The following SLC26A3 variants were observed in gnomAD, a reference collection of about 807,000 sequenced individuals.
SLC26A3 encodes solute carrier family 26 member 3, also known as chloride anion exchanger.
In SLC26A3, 64 loss-of-function variants were observed where a neutral mutation model predicts 85.6. The observed-to-expected ratio is 0.75, with a 90% CI of 0.61 to 0.92. The LOEUF (loss-of-function observed/expected upper bound fraction) is 0.92, where lower values mean the gene tolerates loss of function less well. SLC26A3 is among the 40% of genes least tolerant of loss of function. The probability of loss-of-function intolerance (pLI) is 0.00; values close to 1 mark genes in which losing one functional copy is unlikely to be tolerated. For synonymous variants in SLC26A3, 349 were observed against 336.0 expected (o/e 1.04, Z -0.42); for missense variants, 922 against 927.3 (o/e 0.99, Z 0.07).
chr7:107,779,761 G>A lies in SLC26A3; in HGVS notation c.1314C>T (p.Ser438=), dbSNP rs117703371. The A allele has an allele frequency of 5.9e-3, 9,539 of 1,613,214 alleles. 50 individuals are homozygous for A. Among genetic ancestry groups the A allele is most frequent in the Middle Eastern group, 0.028 (170 of 6,060 alleles). The change falls in exon 12 of 21, where the codon TCC becomes TCT. Residue 438 remains serine, a splice_region_variant and synonymous_variant. Transcript: ENST00000340010. ...IGFLLAPLQK[S]VLAALALGNL... is the part of the protein sequence containing the mutation. ...TTCCCAATGCTAAAGCTGCCAGGAC[G>A]GACTGTGAAAAACACAAACATCAGA...
chr7:107,794,736 C>T lies in SLC26A3; in HGVS notation c.-88-139G>A, dbSNP rs1339840713. 16 of 535,728 alleles carry T rather than the reference C, an allele frequency of 3.0e-5. 1 individual carries two copies. The highest frequency in any genetic ancestry group is 6.2e-5 in the Admixed American group (2 of 32,390). 33.2% of individuals were successfully genotyped at this position (535,728 alleles called of 1,614,324 possible). ...ATTAAGGGACCTAGATTGTGTTTTGCGACAGCGATGTTTTATTCCAGTGAG... is the reference window on the plus strand; with the variant it reads ...ATTAAGGGACCTAGATTGTGTTTTGTGACAGCGATGTTTTATTCCAGTGAG... On this transcript the variant is annotated intron_variant, in intron 1 of 20. Coordinates refer to ENST00000340010, the MANE Select transcript of SLC26A3 (RefSeq NM_000111.3).
chr7:107,795,283 T>C (rs943760673), intron 1 of SLC26A3, among the ~76,000 whole-genome samples: 1 of 152,206 alleles, frequency 6.6e-6, no homozygotes, highest in African/African-American at 2.4e-5. Context: ...TTGTGAAGAT[T>C]AAATAAGGTT....
intron 11 of SLC26A3, among the ~76,000 whole-genome samples, chr7:107,780,628 A>G (rs1478602193): frequency 3.3e-5 from 5 of 152,186 alleles, no homozygotes; most frequent in Non-Finnish European, 4.4e-5. Flanking sequence ...AAAGCCAAAT[A>G]CAGTTTTTAT....
In SLC26A3 at chr7:107,778,337, C is replaced by T. The variant is rs113986754; in HGVS notation, c.1408-56G>A. ...ATTTACTTTGATTAAAGTACAATGT[C>T]GAGACGGGGTCTTTTAAAAAGACTT... On this transcript the variant is annotated intron_variant, in intron 12 of 20. Coordinates refer to ENST00000340010, the MANE Select transcript of SLC26A3 (RefSeq NM_000111.3). The T allele has an allele frequency of 3.1e-3, 2,765 of 880,730 alleles. 54 individuals are homozygous for T. In the African/African-American group the frequency reaches 0.051, roughly 16 times the overall value. 54.6% of individuals were successfully genotyped at this position (880,730 alleles called of 1,614,324 possible).
chr7:107,776,757 T>C (rs1356691127), intron 13 of SLC26A3, 51 bp from the exon 14 acceptor site: 1 of 1,544,062 alleles, frequency 6.5e-7, no homozygotes, highest in Non-Finnish European at 8.9e-7. Context: ...TTGTTAAGCC[T>C]ATAAGGCTAA....
chr7:107,771,493 C>T (rs770652797), intron 18 of SLC26A3, among the ~76,000 whole-genome samples: 4 of 152,026 alleles, frequency 2.6e-5, no homozygotes, highest in Non-Finnish European at 2.9e-5. Flanking sequence ...GGAGAAGAAC[C>T]AATGTCAGAC....
intron 11 of SLC26A3, 82 bp from the exon 12 acceptor site, chr7:107,779,845 T>C (rs980080240): frequency 8.3e-7 from 1 of 1,199,950 alleles, no homozygotes; most frequent in African/African-American, 1.5e-5. Context: ...TATAGATAAG[T>C]GTGTGCTTTA....
In SLC26A3 at chr7:107,791,941, C is replaced by T. The variant is rs1794410671; in HGVS notation, c.272-1G>A. The T allele has an allele frequency of 6.4e-7, 1 of 1,571,428 alleles. No individual in the cohort carries two copies. The highest frequency in any genetic ancestry group is 1.7e-5 in the Admixed American group (1 of 59,924). Reference sequence around the variant, plus strand: ...TCGACCAGCAGAGCAAATGCTAAACCTGTAAACACACAAGCAGCAGAGCCC... The same window carrying T: ...TCGACCAGCAGAGCAAATGCTAAACTTGTAAACACACAAGCAGCAGAGCCC... On this transcript the variant is annotated splice_acceptor_variant, in intron 3 of 20. Transcript: ENST00000340010. LOFTEE classifies it high-confidence loss of function.
chr7:107,783,189 T>C lies in SLC26A3; in HGVS notation c.1119+16A>G, dbSNP rs1794239145. The stretch of plus-strand genomic sequence containing the variant: ...TAAAGTTGCCCAGTGAGACCCAGTG[T>C]AGTTTGTTTACTTACCTGATTGCCA... On this transcript the variant is annotated intron_variant, in intron 9 of 20. Transcript: ENST00000340010. 6.2e-7 allele frequency: 1 copy of C among 1,614,170 alleles called. No individual in the cohort carries two copies.
intron 12 of SLC26A3, among the ~76,000 whole-genome samples, chr7:107,778,700 G>A (rs1584404754): frequency 6.6e-6 from 1 of 152,062 alleles, no homozygotes; most frequent in Admixed American, 6.6e-5. Flanking sequence ...ATTAAAATCA[G>A]CAAATTAGAC....
rs1471734047 is a variant in SLC26A3, at chr7:107,783,089, A to G, written c.1124T>C (p.Leu375Ser). The G allele has an allele frequency of 6.8e-6, 11 of 1,613,912 alleles. No homozygotes were observed. The highest frequency in any genetic ancestry group is 8.5e-6 in the Non-Finnish European group (10 of 1,179,872). ...YDYPLDGNQE[L>S]IALGLGNIVC... is the part of the protein sequence containing the mutation. ...TATGTTACCCAGTCCCAAGGCTATT[A>G]ACTCCTGACAGGAAGACAAGAATGA... The change falls in exon 10 of 21, where the codon TTA (leucine) becomes TCA (serine). Residue 375 changes from leucine to serine, a missense_variant. Leu to Ser is a moderately radical substitution (Grantham distance 145). Transcript: ENST00000340010.
intron 1 of SLC26A3, among the ~76,000 whole-genome samples, chr7:107,796,029 C>G (rs1326996261): frequency 6.6e-6 from 1 of 152,072 alleles, no homozygotes; most frequent in Non-Finnish European, 1.5e-5. Context: ...CAATATACTG[C>G]TTCTGCCCCA....
intron 7 of SLC26A3, among the ~76,000 whole-genome samples, chr7:107,787,115 C>T (rs775466611): frequency 5.3e-5 from 8 of 152,210 alleles, no homozygotes; most frequent in Non-Finnish European, 8.8e-5. Flanking sequence ...GGCTCTAACA[C>T]GACATTTTGT....
chr7:107,774,377 C>T (rs1486171050), intron 16 of SLC26A3, among the ~76,000 whole-genome samples: 1 of 152,026 alleles, frequency 6.6e-6, no homozygotes, highest in Non-Finnish European at 1.5e-5. Flanking sequence ...CATGGTAAGA[C>T]TCCATCTCTG....
chr7:107,791,871 A>G lies in SLC26A3; in HGVS notation c.341T>C (p.Ile114Thr). ...YGLYASFFPAIIYLFFGTSRH... is the reference protein window; with the variant it reads ...YGLYASFFPATIYLFFGTSRH... ...GGAAGTGCCGAAGAAAAGGTAGATT[A>G]TGGCTGGGAAAAAGGATGCATACAA... Residue 114 changes from isoleucine (I) to threonine (T), a missense_variant, in exon 4 of 21, where the codon ATA becomes ACA. Transcript: ENST00000340010. 6.2e-7 allele frequency: 1 copy of G among 1,613,798 alleles called. No homozygotes were observed. The highest frequency in any genetic ancestry group is 8.5e-7 in the Non-Finnish European group (1 of 1,179,740).
intron 8 of SLC26A3, among the ~76,000 whole-genome samples, chr7:107,785,365 C>T (rs183007649): frequency 6.6e-6 from 1 of 152,292 alleles, no homozygotes; most frequent in East Asian, 1.9e-4. Context: ...GGTTACACTG[C>T]CACTCTATTG....
intron 5 of SLC26A3, among the ~76,000 whole-genome samples, chr7:107,790,059 A>G (rs1299167947): frequency 6.6e-6 from 1 of 152,230 alleles, no homozygotes; most frequent in Non-Finnish European, 1.5e-5. Context: ...TTGCTGATGT[A>G]ATTTTAAGTT....
chr7:107,768,305 A>C (rs964269850), intron 18 of SLC26A3, among the ~76,000 whole-genome samples: 1 of 152,178 alleles, frequency 6.6e-6, no homozygotes, highest in African/African-American at 2.4e-5. Flanking sequence ...GACCAGTGAT[A>C]TGCTGTGGTT....
intron 1 of SLC26A3, among the ~76,000 whole-genome samples, chr7:107,795,846 G>A (rs1794487255): frequency 6.6e-6 from 1 of 151,580 alleles, no homozygotes; most frequent in African/African-American, 2.4e-5. Context: ...GTTACACCGT[G>A]CCCTCATATA....
Sources: allele counts gnomAD v4.1 joint callset (sites outside exome capture counted in the v4.1 genomes callset), GRCh38; gene constraint gnomAD v4.1.1; transcripts MANE v1.5; gene names NCBI Gene and HGNC (gene_info 2026-07-23, HGNC 2026-07-21).